The following NIBAN3 variants were observed in gnomAD, a reference collection of about 807,000 sequenced individuals.
The protein encoded by NIBAN3 is niban apoptosis regulator 3, also known as protein Niban 3.
NIBAN3 carries 66 observed loss-of-function variants against 76.4 expected under a neutral mutation model. The observed-to-expected ratio is 0.86, with a 90% CI of 0.71 to 1.06. The LOEUF is 1.06. Ranked by LOEUF, NIBAN3 falls within the 50% of genes least tolerant of loss-of-function variation. The probability of loss-of-function intolerance (pLI) is 0.00; values close to 1 mark genes in which losing one functional copy is unlikely to be tolerated. For synonymous variants in NIBAN3, 360 were observed against 355.2 expected (o/e 1.01, Z -0.15); for missense variants, 808 against 810.7 (o/e 1.00, Z 0.04).
In NIBAN3 at chr19:17,546,729, A is replaced by G. The variant is rs946028288; in HGVS notation, c.1598A>G (p.Gln533Arg). The change falls in exon 13 of 15, where the codon CAG becomes CGG. Residue 533 changes from glutamine (Q) to arginine (R), a missense_variant. By Grantham distance (43) the Gln-to-Arg change is conservative. Coordinates refer to ENST00000599164, the MANE Select transcript of NIBAN3 (RefSeq NM_001321827.2). ...FEGDVLAVGS[Q>R]ALTTEGIYED... is the part of the protein sequence containing the mutation. ...GGGGATGTCCTTGCCGTGGGCAGCCAGGCTCTGACCACTGAGGGCATCTAT... is the reference window on the plus strand; with the variant it reads ...GGGGATGTCCTTGCCGTGGGCAGCCGGGCTCTGACCACTGAGGGCATCTAT... 1.9e-6 allele frequency: 3 copies of G among 1,604,058 alleles called. No homozygotes were observed. In the Admixed American group the frequency reaches 5.2e-5, roughly 28 times the overall value.
At chr19:17,541,885 T>G (rs141139672) in intron 9 of NIBAN3, among the ~76,000 whole-genome samples, 5,115 of 152,070 alleles carry the variant, frequency 0.034, 264 homozygotes, top group African/African-American at 0.11. Flanking sequence ...GGTTTCACCA[T>G]GCTGGCCAGG....
intron 9 of NIBAN3, among the ~76,000 whole-genome samples, chr19:17,541,629 C>T (rs979733446): frequency 2.6e-5 from 4 of 151,562 alleles, no homozygotes; most frequent in African/African-American, 7.3e-5. Context: ...TCCATGACAC[C>T]GTGCCTCACT....
At chr19:17,523,512 A>AG (rs1056872785), upstream of NIBAN3, 1 of 1,483,982 alleles carries the variant, frequency 6.7e-7, no homozygotes, top group Non-Finnish European at 9.1e-7. Context: ...GGGCTGGTTG[A>AG]GGGCAGGAGG....
chr19:17,534,061 G>A (rs2075779958), intron 4 of NIBAN3, among the ~76,000 whole-genome samples: 2 of 152,170 alleles, frequency 1.3e-5, no homozygotes, highest in Admixed American at 1.3e-4. Flanking sequence ...ATCTGGGATG[G>A]GTGCACTGTC....
At position 17,540,582 on chromosome 19, in the gene NIBAN3, G is replaced by GGT; in HGVS notation, c.1170+2_1170+3dup. On this transcript the variant is annotated frameshift_variant and splice_region_variant. Coordinates refer to ENST00000599164, the MANE Select transcript of NIBAN3 (RefSeq NM_001321827.2). LOFTEE classifies it high-confidence loss of function. ...CCTCAGGCACGCGGCTGCGCAGGGAGGTGAGCTCCCGTGGGTAGGGGTTCA... is the reference window on the plus strand; with the variant it reads ...CCTCAGGCACGCGGCTGCGCAGGGAGGTGTGAGCTCCCGTGGGTAGGGGTTCA... 1.3e-6 allele frequency: 2 copies of GGT among 1,501,562 alleles called. No homozygotes were observed. The highest frequency in any genetic ancestry group is 1.8e-6 in the Non-Finnish European group (2 of 1,122,218). The allele number at this position is 1,501,562 out of a possible 1,614,324, so 93.0% of individuals were successfully genotyped here. A position where few individuals can be genotyped will look rare whatever the true frequency, so the allele number is the denominator to read the frequency against.
chr19:17,526,656 A>G (rs1334537443), upstream of NIBAN3, among the ~76,000 whole-genome samples: 2 of 152,086 alleles, frequency 1.3e-5, no homozygotes, highest in Admixed American at 6.5e-5. Context: ...TCTAAAAAAA[A>G]AAAAAGGAAA....
chr19:17,551,375 G>C (rs753197561), intron 14 of NIBAN3, among the ~76,000 whole-genome samples: 1 of 151,568 alleles, frequency 6.6e-6, no homozygotes, highest in Non-Finnish European at 1.5e-5. Context: ...GATTACAAGC[G>C]TGAGCCACTG....
In NIBAN3 at chr19:17,539,156, A is replaced by G. The variant is rs1274055478; in HGVS notation, c.602A>G (p.Gln201Arg). 5.0e-6 allele frequency: 8 copies of G among 1,588,828 alleles called. No individual in the cohort carries two copies. Among genetic ancestry groups the G allele is most frequent in the Non-Finnish European group, 6.8e-6 (8 of 1,168,426 alleles). Reference sequence around the variant, plus strand: ...GAGGAGCAGCCCCTCTCAGTCCTGCAGCGAAGCCAGGCCCCTGCTGCCCGG... The same window carrying G: ...GAGGAGCAGCCCCTCTCAGTCCTGCGGCGAAGCCAGGCCCCTGCTGCCCGG... ...GGIRLQGIVL[Q>R]RSQAPAARAF... The change falls in exon 6 of 15, where the codon CAG becomes CGG. Residue 201 changes from glutamine (Q) to arginine (R), a missense_variant. Transcript: ENST00000599164.
At chr19:17,523,976 C>T (rs947286274), upstream of NIBAN3, among the ~76,000 whole-genome samples, 1 of 152,074 alleles carries the variant, frequency 6.6e-6, no homozygotes, top group African/African-American at 2.4e-5. Flanking sequence ...GCAACCTCTA[C>T]CTCACGGGTT....
At chr19:17,537,264 G>A (rs1459400992) in intron 4 of NIBAN3, 112 bp from the exon 5 acceptor site, 5 of 1,073,396 alleles carry the variant, frequency 4.7e-6, no homozygotes, top group Non-Finnish European at 6.9e-6. Flanking sequence ...ATCGTGGTAT[G>A]ACTCATATTT....
At chr19:17,550,370 T>C (rs1390257233) in intron 14 of NIBAN3, among the ~76,000 whole-genome samples, 1 of 152,134 alleles carries the variant, frequency 6.6e-6, no homozygotes, top group East Asian at 1.9e-4. Context: ...TAAACAGTCC[T>C]AGAAAGACTT....
At chr19:17,549,361 T>G in intron 13 of NIBAN3, 83 bp from the exon 14 acceptor site, 1 of 945,942 alleles carries the variant, frequency 1.1e-6, no homozygotes, top group East Asian at 2.4e-5. Context: ...CTTGAGACAT[T>G]TGTAGTCTCT....
At position 17,546,764 on chromosome 19, in the gene NIBAN3, A is replaced by G; in HGVS notation, c.1633A>G (p.Ile545Val). 1.9e-6 allele frequency: 3 copies of G among 1,604,854 alleles called. No individual in the cohort carries two copies. The highest frequency in any genetic ancestry group is 2.5e-6 in the Non-Finnish European group (3 of 1,176,560). ...CACTGAGGGCATCTATGAGGACGTC[A>G]TCCGGGGGTGCTTGCTGCAGAGGAT... ...LTTEGIYEDV[I>V]RGCLLQRIDQ... The change falls in exon 13 of 15, where the codon ATC becomes GTC. Residue 545 changes from isoleucine (I) to valine (V), a missense_variant. Physicochemically the swap from Ile to Val is conservative, Grantham distance 29. Coordinates refer to ENST00000599164, the MANE Select transcript of NIBAN3 (RefSeq NM_001321827.2).
At chr19:17,529,059 G>C (rs1403741288) in intron 1 of NIBAN3, among the ~76,000 whole-genome samples, 1 of 152,216 alleles carries the variant, frequency 6.6e-6, no homozygotes, top group Admixed American at 6.5e-5. Flanking sequence ...GCTAAGGCCA[G>C]TGATGTATCT....
chr19:17,543,362 T>C lies in NIBAN3; in HGVS notation c.1375T>C (p.Cys459Arg). Reference sequence around the variant, plus strand: ...CACCTTCCTGCAGCTGGCTGACCAGTGTCTGACGACGGCCCTCAACTGTGA... The same window carrying C: ...CACCTTCCTGCAGCTGGCTGACCAGCGTCTGACGACGGCCCTCAACTGTGA... ...VATFLQLADQ[C>R]LTTALNCDQA... The change falls in exon 11 of 15, where the codon TGT becomes CGT. Residue 459 changes from cysteine (C) to arginine (R), a missense_variant. Coordinates refer to ENST00000599164, the MANE Select transcript of NIBAN3 (RefSeq NM_001321827.2). The C allele has an allele frequency of 1.3e-6, 2 of 1,594,490 alleles. No individual in the cohort carries two copies. The highest frequency in any genetic ancestry group is 1.7e-6 in the Non-Finnish European group (2 of 1,167,224).
chr19:17,545,795 A>T (rs928800231), intron 12 of NIBAN3: 1 of 232,450 alleles, frequency 4.3e-6, no homozygotes, highest in African/African-American at 2.3e-5. Flanking sequence ...ACTAGGAGCG[A>T]GACCACTGAA....
intron 5 of NIBAN3, among the ~76,000 whole-genome samples, chr19:17,538,628 G>GAGAAA (rs541393715): frequency 2.7e-5 from 4 of 147,976 alleles, no homozygotes; most frequent in African/African-American, 1.0e-4. Flanking sequence ...GAGAAAGAGA[G>GAGAAA]AGAAAAGAAA....
At position 17,545,794 on chromosome 19, in the gene NIBAN3, G is replaced by A. The variant is rs185347889; in HGVS notation, c.1555-892G>A. 354 of 230,348 alleles carry A rather than the reference G, an allele frequency of 1.5e-3. 1 individual carries two copies. Among genetic ancestry groups the A allele is most frequent in the South Asian group, 2.9e-3 (60 of 20,626 alleles). 14.3% of individuals were successfully genotyped at this position (230,348 alleles called of 1,614,324 possible). The stretch of plus-strand genomic sequence containing the variant: ...TGGAACACGAAGGCGGACTAGGAGC[G>A]AGACCACTGAAGCACAGCATCACAG... On this transcript the variant is annotated intron_variant, in intron 12 of 14. Coordinates refer to ENST00000599164, the MANE Select transcript of NIBAN3 (RefSeq NM_001321827.2).
chr19:17,541,252 TACA>T, intron 9 of NIBAN3, among the ~76,000 whole-genome samples: 1 of 152,030 alleles, frequency 6.6e-6, no homozygotes, highest in Admixed American at 6.6e-5. Context: ...CATACATACA[TACA>T]TACATACATA....
Sources: allele counts gnomAD v4.1 joint callset (sites outside exome capture counted in the v4.1 genomes callset), GRCh38; gene constraint gnomAD v4.1.1; transcripts MANE v1.5; gene names NCBI Gene and HGNC (gene_info 2026-07-23, HGNC 2026-07-21).